Variants in IFIH1 observed in about 807,000 individuals in gnomAD.
IFIH1 encodes the protein interferon-induced helicase C domain-containing protein 1.
IFIH1 carries 125 observed loss-of-function variants against 107.4 expected under a neutral mutation model. That is an observed-to-expected ratio of 1.16 (90% CI 1.01 to 1.35). IFIH1 has a LOEUF of 1.35. Among genes scored for constraint, IFIH1 ranks in the 40% most tolerant of loss-of-function variants. IFIH1 has a pLI of 0.00. For synonymous variants in IFIH1, 458 were observed against 413.2 expected, an observed-to-expected ratio of 1.11 and a Z score of -1.31; for missense variants, 1,333 against 1,213.7, an observed-to-expected ratio of 1.10 and a Z score of -1.46.
At chr2:162,270,108 A>G (rs745933027) in intron 13 of IFIH1, among the ~76,000 whole-genome samples, 2 of 152,176 alleles carry the variant, frequency 1.3e-5, no homozygotes, top group Non-Finnish European at 2.9e-5. Flanking sequence ...GACTAACTCT[A>G]AAATAGTAAA....
At position 162,281,427 on chromosome 2, in the gene IFIH1, G is replaced by A. The variant is rs74162082; in HGVS notation, c.1425C>T (p.Asn475=). 4.5e-5 allele frequency: 72 copies of A among 1,612,668 alleles called. No individual in the cohort carries two copies. The highest frequency in any genetic ancestry group is 6.0e-5 in the Non-Finnish European group (71 of 1,179,108). Residue 475 remains asparagine, a synonymous_variant, in exon 7 of 16, where the codon AAC becomes AAT. Transcript: ENST00000649979. ...TCTGAGGAAGGGGAATCACTGGTTT[G>A]TTTTCTTTCTTGAGTCTATTGTTTT... ...KLKNNRLKKE[N]KPVIPLPQIL...
At chr2:162,303,606 T>C (rs901442248) in intron 3 of IFIH1, among the ~76,000 whole-genome samples, 2 of 150,960 alleles carry the variant, frequency 1.3e-5, no homozygotes, top group Non-Finnish European at 3.0e-5. Context: ...GGAAGGAAGT[T>C]AGGGTGAAAG....
intron 8 of IFIH1, among the ~76,000 whole-genome samples, 172 bp downstream of exon 8, chr2:162,279,824 G>A (rs767217551): frequency 2.0e-5 from 3 of 151,916 alleles, no homozygotes; most frequent in African/African-American, 4.8e-5. Flanking sequence ...GTCTAGAGGC[G>A]AGAATTCACT....
intron 12 of IFIH1, among the ~76,000 whole-genome samples, chr2:162,273,249 T>C (rs1006768593): frequency 1.3e-5 from 2 of 152,202 alleles, no homozygotes; most frequent in African/African-American, 4.8e-5. Flanking sequence ...AGAGATAAAG[T>C]GAAATCTGAA....
At chr2:162,301,279 G>A (rs185002178) in intron 3 of IFIH1, among the ~76,000 whole-genome samples, 24 of 152,182 alleles carry the variant, frequency 1.6e-4, no homozygotes, top group African/African-American at 4.8e-4. Context: ...ACAGTCATGC[G>A]CACTGTATAT....
chr2:162,289,005 T>C (rs1460424915), intron 4 of IFIH1, among the ~76,000 whole-genome samples: 2 of 151,276 alleles, frequency 1.3e-5, no homozygotes, highest in East Asian at 3.9e-4. Context: ...GGCAACTACG[T>C]TGTACAGAAG....
chr2:162,271,389 T>C (rs577421055), intron 13 of IFIH1, among the ~76,000 whole-genome samples: 1 of 140,792 alleles, frequency 7.1e-6, no homozygotes, highest in African/African-American at 2.7e-5. Context: ...TTCTCACTCA[T>C]AGGTGGAAAT....
In IFIH1 at chr2:162,288,295, T is replaced by C. The variant is rs1682932345; in HGVS notation, c.935A>G (p.Gln312Arg). ...PEPELQLRPY[Q>R]MEVAQPALEG... ...CAAGGCTGGCTGGGCAACTTCCATT[T>C]GGTAAGGCCTGAGCTGGAGTTCTGG... The change falls in exon 5 of 16, where the codon CAA (glutamine) becomes CGA (arginine). Residue 312 changes from glutamine (Q) to arginine (R), a missense_variant. By Grantham distance (43) the Gln-to-Arg change is conservative (BLOSUM62 1). Coordinates refer to ENST00000649979, the MANE Select transcript of IFIH1 (RefSeq NM_022168.4). 6.2e-7 allele frequency: 1 copy of C among 1,612,728 alleles called. No homozygotes were observed. The highest frequency in any genetic ancestry group is 1.3e-5 in the African/African-American group (1 of 74,790).
Position 162,298,790 on chromosome 2 carries a change from G to GCA in IFIH1, c.770-5124_770-5123dup, listed in dbSNP as rs144124365. Among the ~76,000 whole-genome samples, 1,256 of 149,288 alleles carry GCA rather than the reference G, an allele frequency of 8.4e-3. 7 individuals are homozygous for GCA. Among genetic ancestry groups the GCA allele is most frequent in the South Asian group, 0.017 (79 of 4,680 alleles). On this transcript the variant is annotated intron_variant, in intron 3 of 15. Transcript: ENST00000649979. ...TCTACACACACACGCACGCGCGCGCGCACACACACACACACACACACTCAC... is the reference window on the plus strand; with the variant it reads ...TCTACACACACACGCACGCGCGCGCGCACACACACACACACACACACACTCAC...
At chr2:162,275,124 T>A (rs1170362905) in intron 11 of IFIH1, among the ~76,000 whole-genome samples, 2 of 152,172 alleles carry the variant, frequency 1.3e-5, no homozygotes, top group African/African-American at 4.8e-5. Context: ...TCACATCACA[T>A]AGATGCCTAA....
At position 162,307,607 on chromosome 2, in the gene IFIH1, T is replaced by G. The variant is rs551891761; in HGVS notation, c.623-752A>C. 9.2e-5 allele frequency among the ~76,000 whole-genome samples: 14 copies of G among 152,250 alleles called. No homozygotes were observed. The South Asian group carries it at 2.9e-3, about 32-fold the overall frequency. The stretch of plus-strand genomic sequence containing the variant: ...TGTGGGTTAAAAAGAAAATCAAGAG[T>G]TTTTGCCTTTATGAAGCTGCAATCT... On this transcript the variant is annotated intron_variant, in intron 2 of 15. Transcript: ENST00000649979.
chr2:162,267,221 A>G lies in IFIH1; in HGVS notation c.3057T>C (p.Cys1019=), dbSNP rs1341535313. ...AGTGCTAATCCTCATCACTAAATAAACAGCATTCTGAATAGTCAAGATTGG... is the reference window on the plus strand; with the variant it reads ...AGTGCTAATCCTCATCACTAAATAAGCAGCATTCTGAATAGTCAAGATTGG... ...TFPNLDYSEC[C]LFSDED The change falls in exon 16 of 16, where the codon TGT becomes TGC. Residue 1019 remains cysteine, a synonymous_variant. Transcript: ENST00000649979. 2 of 1,594,054 alleles carry G rather than the reference A, an allele frequency of 1.3e-6. No homozygotes were observed. The highest frequency in any genetic ancestry group is 1.8e-5 in the Admixed American group (1 of 54,062).
chr2:162,279,704 TC>T (rs1048237337), intron 8 of IFIH1, among the ~76,000 whole-genome samples: 12 of 151,938 alleles, frequency 7.9e-5, no homozygotes, highest in Non-Finnish European at 1.8e-4. Flanking sequence ...TCATAACCCC[TC>T]CAGCTTAGTT....
At chr2:162,281,685 G>A (rs1682813132) in intron 6 of IFIH1, 140 bp from the exon 7 acceptor site, 1 of 605,888 alleles carries the variant, frequency 1.7e-6, no homozygotes, top group East Asian at 2.8e-5. Flanking sequence ...CAGTTTTTAG[G>A]AGGGAAATCT....
At chr2:162,293,883 A>G (rs1683042775) in intron 3 of IFIH1, among the ~76,000 whole-genome samples, 1 of 151,908 alleles carries the variant, frequency 6.6e-6, no homozygotes, top group Non-Finnish European at 1.5e-5. Context: ...TCAAATACAT[A>G]TTACCTACTT....
At chr2:162,290,603 T>C (rs1000224321) in intron 4 of IFIH1, among the ~76,000 whole-genome samples, 1 of 151,932 alleles carries the variant, frequency 6.6e-6, no homozygotes, top group African/African-American at 2.4e-5. Context: ...CTCTCAATAA[T>C]ATAGTTGTTG....
chr2:162,276,632 GAGA>G, intron 11 of IFIH1, 52 bp downstream of exon 11: 1 of 1,543,136 alleles, frequency 6.5e-7, no homozygotes, highest in Non-Finnish European at 8.7e-7. Context: ...AAGAAGAGAA[GAGA>G]AGAAGAAAAG....
chr2:162,274,266 G>T (rs1045093221), intron 11 of IFIH1, among the ~76,000 whole-genome samples: 2 of 152,134 alleles, frequency 1.3e-5, no homozygotes, highest in African/African-American at 2.4e-5. Context: ...TTGAGAAGAG[G>T]ATATGACAAT....
intron 3 of IFIH1, among the ~76,000 whole-genome samples, chr2:162,306,306 C>T (rs1162024668): frequency 2.0e-5 from 3 of 152,072 alleles, no homozygotes; most frequent in African/African-American, 7.2e-5. Flanking sequence ...CACAGTTGAA[C>T]CTCTCTGAGC....
Sources: gnomAD v4.1 joint callset for allele counts (sites outside exome capture counted in the v4.1 genomes callset) on GRCh38, gnomAD v4.1.1 for gene constraint, MANE v1.5 for transcripts, NCBI Gene and HGNC (gene_info 2026-07-23, HGNC 2026-07-21) for gene names.